Variants in NWD2 observed in about 807,000 individuals in gnomAD.
NWD2 encodes NACHT and WD repeat domain-containing protein 2.
NWD2 carries 37 observed loss-of-function variants against 132.7 expected under a neutral mutation model. That is an observed-to-expected ratio of 0.28 (90% CI 0.21 to 0.37). The LOEUF (loss-of-function observed/expected upper bound fraction) is 0.37. NWD2 is among the 10% of genes least tolerant of loss of function. The probability of loss-of-function intolerance (pLI) is 1.00; values close to 1 mark genes in which losing one functional copy is unlikely to be tolerated. For synonymous variants in NWD2, 705 were observed against 803.0 expected, an observed-to-expected ratio of 0.88 and a Z score of 2.06; for missense variants, 1,592 against 2,122.4, an observed-to-expected ratio of 0.75 and a Z score of 4.91.
At position 37,443,623 on chromosome 4, in the gene NWD2, G is replaced by T. The variant is rs748145773; in HGVS notation, c.1635G>T (p.Thr545=). Residue 545 remains threonine, a synonymous_variant, in exon 7 of 7, where the codon ACG becomes ACT. Coordinates refer to ENST00000309447, the MANE Select transcript of NWD2 (RefSeq NM_001144990.2). The surrounding 1 kb of genome is among the most constrained non-coding windows in gnomAD (Gnocchi z 4.1). The stretch of plus-strand genomic sequence containing the variant: ...GCTTTGTCCGGATAGTCCTTTCCAC[G>T]CTGCCCAACAAACATGGGATCTTGC... ...LPRFVRIVLS[T]LPNKHGILQK... 5.2e-6 allele frequency: 8 copies of T among 1,551,794 alleles called. No homozygotes were observed. Among genetic ancestry groups the T allele is most frequent in the South Asian group, 4.8e-5 (4 of 84,042 alleles).
At chr4:37,267,937 G>C (rs887142450) in intron 1 of NWD2, among the ~76,000 whole-genome samples, 2 of 151,866 alleles carry the variant, frequency 1.3e-5, no homozygotes, top group Non-Finnish European at 2.9e-5. Flanking sequence ...CTCCAGTACT[G>C]ACTGATTCCT....
intron 2 of NWD2, among the ~76,000 whole-genome samples, chr4:37,331,881 G>A (rs1719300617): frequency 6.6e-6 from 1 of 152,096 alleles, no homozygotes; most frequent in Non-Finnish European, 1.5e-5. Context: ...CTTGGTGAAG[G>A]GAGAGTACAG....
At position 37,276,914 on chromosome 4, in the gene NWD2, C is replaced by G. The variant is rs188977602; in HGVS notation, c.151+31696C>G. ...AAACCAAACACCACATCTTCTCACT[C>G]ATAGGTGGGAATTGAACAATGAGAA... On this transcript the variant is annotated intron_variant, in intron 1 of 6. Transcript: ENST00000309447. Among the ~76,000 whole-genome samples, 784 of 151,788 alleles carry G rather than the reference C, an allele frequency of 5.2e-3. 4 individuals carry two copies. The highest frequency in any genetic ancestry group is 8.2e-3 in the Non-Finnish European group (559 of 67,968).
At chr4:37,416,937 A>C (rs1711629664) in intron 3 of NWD2, among the ~76,000 whole-genome samples, 1 of 151,074 alleles carries the variant, frequency 6.6e-6, no homozygotes, top group Admixed American at 6.6e-5. Context: ...GACTTTGGGA[A>C]CTGGGGGGAA....
chr4:37,379,570 C>G (rs1720412464), intron 3 of NWD2, among the ~76,000 whole-genome samples: 2 of 152,044 alleles, frequency 1.3e-5, no homozygotes, highest in Admixed American at 1.3e-4. Flanking sequence ...TTTTATAATG[C>G]TTTTTGTTGG....
At position 37,443,464 on chromosome 4, in the gene NWD2, C is replaced by T. The variant is rs11944914; in HGVS notation, c.1476C>T (p.Leu492=). 8,838 of 1,552,194 alleles carry T rather than the reference C, an allele frequency of 5.7e-3. 381 individuals carry two copies. In the African/African-American group the frequency reaches 0.099, roughly 17 times the overall value. Residue 492 remains leucine, a synonymous_variant, in exon 7 of 7, where the codon CTC becomes CTT. Coordinates refer to ENST00000309447, the MANE Select transcript of NWD2 (RefSeq NM_001144990.2). This position sits in a 1 kb window ranked among gnomAD's most constrained non-coding sequence, Gnocchi z 4.1. The part of the protein sequence containing the change: ...VQSYPKKIHD[L]CDLFINLLNE... The stretch of plus-strand genomic sequence containing the variant: ...GCTACCCTAAGAAGATCCATGACCT[C>T]TGTGACTTATTTATAAATCTTTTGA...
At chr4:37,299,257 C>A (rs1417824786) in intron 1 of NWD2, among the ~76,000 whole-genome samples, 1 of 152,098 alleles carries the variant, frequency 6.6e-6, no homozygotes, top group African/African-American at 2.4e-5. Flanking sequence ...CATCACCCTG[C>A]CCCACCTCGG....
At chr4:37,361,531 C>A (rs1009344553) in intron 3 of NWD2, among the ~76,000 whole-genome samples, 1 of 152,164 alleles carries the variant, frequency 6.6e-6, no homozygotes, top group African/African-American at 2.4e-5. Context: ...GTTGGTTCAA[C>A]ATATGCAAAC....
Position 37,443,573 on chromosome 4 carries a change from T to C in NWD2, c.1585T>C (p.Trp529Arg). 7.1e-6 allele frequency: 11 copies of C among 1,551,758 alleles called. No homozygotes were observed. Among genetic ancestry groups the C allele is most frequent in the Non-Finnish European group, 9.6e-6 (11 of 1,147,006 alleles). ...LSENDDARKLWWLPAHLPRFV... is the reference protein window; with the variant it reads ...LSENDDARKLRWLPAHLPRFV... ...AGAGAATGATGATGCCAGGAAGCTT[T>C]GGTGGCTCCCAGCTCACCTGCCCCG... Residue 529 changes from tryptophan to arginine, a missense_variant, in exon 7 of 7, where the codon TGG (tryptophan) becomes CGG (arginine). Coordinates refer to ENST00000309447, the MANE Select transcript of NWD2 (RefSeq NM_001144990.2). This position sits in a 1 kb window ranked among gnomAD's most constrained non-coding sequence, Gnocchi z 4.1.
chr4:37,447,049 T>C lies in NWD2; in HGVS notation c.5061T>C (p.Asp1687=), dbSNP rs1336660834. ...GTTATTGTTTTAAAATATCTGTGGA[T>C]TGCTTATGGAGAGAGTCCACTGAGG... The part of the protein sequence containing the change: ...CNSYCFKISV[D]CLWRESTEVF... Residue 1687 remains aspartate (D), a synonymous_variant, in exon 7 of 7, where the codon GAT becomes GAC. Transcript: ENST00000309447. 1.9e-5 allele frequency: 29 copies of C among 1,551,594 alleles called. No homozygotes were observed. The highest frequency in any genetic ancestry group is 2.4e-5 in the Non-Finnish European group (27 of 1,146,998).
intron 3 of NWD2, among the ~76,000 whole-genome samples, chr4:37,388,382 C>G (rs1007597694): frequency 6.6e-6 from 1 of 151,940 alleles, no homozygotes; most frequent in Non-Finnish European, 1.5e-5. Context: ...TGGGGTTTCA[C>G]CATGTTGGCC....
At chr4:37,388,589 G>A (rs12054591) in intron 3 of NWD2, among the ~76,000 whole-genome samples, 17 of 145,148 alleles carry the variant, frequency 1.2e-4, no homozygotes, top group Non-Finnish European at 2.0e-4. Context: ...TATATTGTGG[G>A]AAATATATAT....
intron 4 of NWD2, among the ~76,000 whole-genome samples, chr4:37,433,454 T>C (rs1469380666): frequency 6.6e-6 from 1 of 152,020 alleles, no homozygotes; most frequent in Admixed American, 6.6e-5. Context: ...TGGTAGGCAG[T>C]CCTCCCATTT....
chr4:37,440,221 C>T (rs1712445179), intron 6 of NWD2, among the ~76,000 whole-genome samples: 1 of 152,130 alleles, frequency 6.6e-6, no homozygotes, highest in Non-Finnish European at 1.5e-5. Context: ...AATGTGCTTC[C>T]AGTACCTTTC....
rs144618841 is a variant in NWD2, at chr4:37,427,347, G to T, written c.358-3225G>T. On this transcript the variant is annotated intron_variant, in intron 3 of 6. Transcript: ENST00000309447. ...AGATAATGGGATAATCACCAGGTTG[G>T]TTACCCTAAAAGAGATAATGTTCCT... 1.7e-4 allele frequency among the ~76,000 whole-genome samples: 26 copies of T among 152,224 alleles called. No individual in the cohort carries two copies. In the East Asian group the frequency reaches 4.4e-3, roughly 26 times the overall value.
chr4:37,290,793 A>G (rs560661275), intron 1 of NWD2, among the ~76,000 whole-genome samples: 1 of 152,344 alleles, frequency 6.6e-6, no homozygotes, highest in East Asian at 1.9e-4. Context: ...GGCATTTGAC[A>G]GGGTGAGCCA....
intron 1 of NWD2, among the ~76,000 whole-genome samples, chr4:37,279,426 A>C (rs1219522316): frequency 6.6e-6 from 1 of 152,208 alleles, no homozygotes; most frequent in African/African-American, 2.4e-5. Context: ...TCATATGTAG[A>C]GACAGAAATT....
At chr4:37,440,279 C>T (rs925532479) in intron 6 of NWD2, among the ~76,000 whole-genome samples, 7 of 152,160 alleles carry the variant, frequency 4.6e-5, no homozygotes, top group African/African-American at 1.4e-4. Context: ...ACAGGACCTG[C>T]GAAAAGCAAA....
In NWD2 at chr4:37,443,786, G is replaced by A; in HGVS notation, c.1798G>A (p.Val600Met). 1 of 1,552,064 alleles carries A rather than the reference G, an allele frequency of 6.4e-7. No homozygotes were observed. The highest frequency in any genetic ancestry group is 8.7e-7 in the Non-Finnish European group (1 of 1,147,082). Residue 600 changes from valine (V) to methionine (M), a missense_variant, in exon 7 of 7, where the codon GTG (valine) becomes ATG (methionine). Transcript: ENST00000309447. This position sits in a 1 kb window ranked among gnomAD's most constrained non-coding sequence, Gnocchi z 4.1. ...RKVTSGQQIY[V>M]NNALSKCTLP... ...GGTCACATCAGGCCAGCAGATTTAT[G>A]TGAACAATGCATTATCCAAGTGCAC... is the stretch of plus-strand genomic sequence containing the variant.
Sources: allele counts gnomAD v4.1 joint callset (sites outside exome capture counted in the v4.1 genomes callset), GRCh38; gene constraint gnomAD v4.1.1; non-coding constraint Gnocchi (gnomAD v3.1); transcripts MANE v1.5; gene names NCBI Gene and HGNC (gene_info 2026-07-23, HGNC 2026-07-21).